RPL35A: variants seen among roughly 807,000 people sequenced by gnomAD.
RPL35A encodes large ribosomal subunit protein eL33.
A neutral mutation model predicts 16.7 loss-of-function variants in RPL35A; 1 was observed. The ratio of observed to expected loss-of-function variants is 0.06; its 90% CI spans 0.02 to 0.28. RPL35A has a LOEUF of 0.28. Among genes scored for constraint, RPL35A ranks in the 10% least tolerant of loss-of-function variants. The pLI is 1.00. For synonymous variants in RPL35A, 58 were observed against 47.0 expected (o/e 1.23, Z -0.96); for missense variants, 91 against 138.7 (o/e 0.66, Z 1.73).
Position 197,955,820 on chromosome 3 carries a change from T to C in RPL35A, c.*47T>C. 2 of 1,453,362 alleles carry C rather than the reference T, an allele frequency of 1.4e-6. No homozygotes were observed. 90.0% of individuals were successfully genotyped at this position (1,453,362 alleles called of 1,614,324 possible). On this transcript the variant is annotated 3_prime_UTR_variant, in exon 5 of 5. Coordinates refer to ENST00000647248, the MANE Select transcript of RPL35A (RefSeq NM_000996.4). ...AAATGTGGATTTGTGCTCTTGTATT[T>C]TTAAGTGGATTAAAAAACTTACTAC... is the stretch of plus-strand genomic sequence containing the variant.
chr3:197,950,644 G>A, intron 1 of RPL35A: 1 of 475,608 alleles, frequency 2.1e-6, no homozygotes, highest in South Asian at 2.7e-5. Context: ...CCTGAGTGTT[G>A]CCTACTGATA....
At position 197,951,222 on chromosome 3, in the gene RPL35A, A is replaced by G. The variant is rs1244935223; in HGVS notation, c.75A>G (p.Thr25=). Residue 25 remains threonine (T), a synonymous_variant, in exon 3 of 5, where the codon ACA becomes ACG. Coordinates refer to ENST00000647248, the MANE Select transcript of RPL35A (RefSeq NM_000996.4). ...GTCTCCGGAACCAAAGGGAGCACACAGCTCTTCTTAAAATTGAAGGTGTTT... is the reference window on the plus strand; with the variant it reads ...GTCTCCGGAACCAAAGGGAGCACACGGCTCTTCTTAAAATTGAAGGTGTTT... ...KRGLRNQREH[T]ALLKIEGVYA... is the part of the protein sequence containing the mutation. 1 of 1,614,238 alleles carries G rather than the reference A, an allele frequency of 6.2e-7. No individual in the cohort carries two copies. Among genetic ancestry groups the G allele is most frequent in the Admixed American group, 1.7e-5 (1 of 60,022 alleles).
intron 3 of RPL35A, 83 bp downstream of exon 3, chr3:197,951,394 C>A: frequency 6.8e-7 from 1 of 1,463,866 alleles, no homozygotes; most frequent in Non-Finnish European, 9.5e-7. Context: ...TGCTCTGTTG[C>A]CGAGGCTGGA....
intron 1 of RPL35A, 64 bp downstream of exon 1, chr3:197,950,285 C>G: frequency 8.1e-7 from 1 of 1,230,618 alleles, no homozygotes; most frequent in Non-Finnish European, 1.0e-6. Context: ...GTTCCTGTGC[C>G]TTGGCGAGTC....
At chr3:197,954,512 TTTG>T in intron 4 of RPL35A, 2 of 336,336 alleles carry the variant, frequency 5.9e-6, no homozygotes, top group Non-Finnish European at 1.1e-5. Flanking sequence ...TTTTGGGGTT[TTTG>T]TTGTGTTTTT....
At chr3:197,955,619 C>G in intron 4 of RPL35A, 131 bp from the exon 5 acceptor site, 2 of 808,382 alleles carry the variant, frequency 2.5e-6, no homozygotes, top group Non-Finnish European at 4.4e-6. Context: ...AGACTGAAGG[C>G]TATAAAAACT....
At chr3:197,952,204 CT>C (rs1553810885) in intron 3 of RPL35A, among the ~76,000 whole-genome samples, 2 of 114,216 alleles carry the variant, frequency 1.8e-5, no homozygotes, top group Non-Finnish European at 3.3e-5. Context: ...CGGAGTCTCA[CT>C]GTCACCTAGG....
In RPL35A at chr3:197,955,684, C is replaced by T. The variant is rs74579899; in HGVS notation, c.310-66C>T. On this transcript the variant is annotated intron_variant, in intron 4 of 4. Coordinates refer to ENST00000647248, the MANE Select transcript of RPL35A (RefSeq NM_000996.4). ...GCCTTTCAGAGATTTATCCGTATTACGGTTCTTGATTTGTAGACGTATATA... is the reference window on the plus strand; with the variant it reads ...GCCTTTCAGAGATTTATCCGTATTATGGTTCTTGATTTGTAGACGTATATA... 0.051 allele frequency: 68,314 copies of T among 1,330,430 alleles called. 2,130 individuals carry two copies. Among genetic ancestry groups the T allele is most frequent in the African/African-American group, 0.089 (6,152 of 69,160 alleles). The allele number at this position is 1,330,430 out of a possible 1,614,324, so 82.4% of individuals were successfully genotyped here. A position where few individuals can be genotyped will look rare whatever the true frequency, so the allele number is the denominator to read the frequency against.
intron 4 of RPL35A, among the ~76,000 whole-genome samples, chr3:197,955,173 C>G (rs1211968139): frequency 6.6e-6 from 1 of 152,084 alleles, no homozygotes; most frequent in African/African-American, 2.4e-5. Flanking sequence ...CTGTTGAACC[C>G]TGCTAAGTGG....
chr3:197,950,905 GT>G, intron 1 of RPL35A, 30 bp from the exon 2 acceptor site: 1 of 1,612,492 alleles, frequency 6.2e-7, no homozygotes, highest in South Asian at 1.1e-5. Context: ...GTGTGGCTTG[GT>G]TTTAAACTAA....
At chr3:197,952,720 C>T (rs1720213898) in intron 3 of RPL35A, 1 of 152,046 alleles carries the variant, frequency 6.6e-6, no homozygotes, top group Non-Finnish European at 1.5e-5. Context: ...TCTTGAACTC[C>T]TGACCTCAAG....
At chr3:197,950,454 G>A (rs930153368) in intron 1 of RPL35A, 1 of 573,428 alleles carries the variant, frequency 1.7e-6, no homozygotes, top group East Asian at 5.0e-5. Flanking sequence ...GGCCTGAACG[G>A]AGTGAAACGA....
intron 4 of RPL35A, among the ~76,000 whole-genome samples, chr3:197,954,884 C>T (rs546665426): frequency 7.9e-5 from 12 of 152,264 alleles, no homozygotes; most frequent in African/African-American, 1.9e-4. Flanking sequence ...TCAACAGTTA[C>T]GCCTGGCATA....
chr3:197,950,780 C>T, intron 1 of RPL35A, 156 bp from the exon 2 acceptor site: 1 of 656,468 alleles, frequency 1.5e-6, no homozygotes, highest in South Asian at 1.8e-5. Flanking sequence ...CTTGCCGGAC[C>T]CTGCGTTTCA....
At chr3:197,955,316 T>G (rs929838470) in intron 4 of RPL35A, among the ~76,000 whole-genome samples, 2 of 151,892 alleles carry the variant, frequency 1.3e-5, no homozygotes, top group Non-Finnish European at 2.9e-5. Flanking sequence ...GTCACCAGGC[T>G]GGAGTGCAGT....
intron 3 of RPL35A, 111 bp from the exon 4 acceptor site, chr3:197,953,892 C>A: frequency 1.0e-6 from 1 of 995,512 alleles, no homozygotes; most frequent in Non-Finnish European, 1.6e-6. Context: ...TAAAGTTTCT[C>A]AGGTGATGAA....
At position 197,950,995 on chromosome 3, in the gene RPL35A, T is replaced by C. The variant is rs780298603; in HGVS notation, c.11+17T>C. On this transcript the variant is annotated intron_variant, in intron 2 of 4. Coordinates refer to ENST00000647248, the MANE Select transcript of RPL35A (RefSeq NM_000996.4). The stretch of plus-strand genomic sequence containing the variant: ...GTCTGGAAGGTACGCGTTTTAAATA[T>C]AGTTCTTTATTTTTGTGTGTTAGAC... 7.4e-6 allele frequency: 12 copies of C among 1,612,528 alleles called. No individual in the cohort carries two copies. The highest frequency in any genetic ancestry group is 1.3e-5 in the African/African-American group (1 of 74,914).
In RPL35A at chr3:197,955,908, G is replaced by T. The variant is rs146539160; in HGVS notation, c.*135G>T. On this transcript the variant is annotated 3_prime_UTR_variant, in exon 5 of 5. Coordinates refer to ENST00000647248, the MANE Select transcript of RPL35A (RefSeq NM_000996.4). The stretch of plus-strand genomic sequence containing the variant: ...TTGCTCAGCATTTTTGGAGTACAAG[G>T]GGGTCAGAGAGACATGTGATGAAAA... 7.9e-6 allele frequency: 6 copies of T among 759,788 alleles called. No homozygotes were observed. Among genetic ancestry groups the T allele is most frequent in the Non-Finnish European group, 1.4e-5 (6 of 431,608 alleles). 47.1% of individuals were successfully genotyped at this position (759,788 alleles called of 1,614,324 possible).
chr3:197,952,018 A>ACTTGTAAG (rs1349328213), intron 3 of RPL35A, among the ~76,000 whole-genome samples: 1 of 152,114 alleles, frequency 6.6e-6, no homozygotes, highest in African/African-American at 2.4e-5. Flanking sequence ...TACCTTTTGC[A>ACTTGTAAG]CTTGTAAGCA....
Sources: allele counts gnomAD v4.1 joint callset (sites outside exome capture counted in the v4.1 genomes callset), GRCh38; gene constraint gnomAD v4.1.1; transcripts MANE v1.5; gene names NCBI Gene and HGNC (gene_info 2026-07-23, HGNC 2026-07-21).